Variants in SYN2 observed in about 807,000 individuals in gnomAD.
SYN2 encodes the protein synapsin-2.
In SYN2, 19 loss-of-function variants were observed where a neutral mutation model predicts 50.9. That is an observed-to-expected ratio of 0.37 (90% CI 0.26 to 0.55). The LOEUF is 0.55. SYN2 is among the 20% of genes least tolerant of loss of function. The probability of loss-of-function intolerance (pLI) is 0.81; values close to 1 mark genes in which losing one functional copy is unlikely to be tolerated. For synonymous variants in SYN2, 255 were observed against 224.9 expected (o/e 1.13, Z -1.20); for missense variants, 587 against 576.4 (o/e 1.02, Z -0.19).
chr3:12,072,516 G>C (rs1695379457), intron 1 of SYN2, among the ~76,000 whole-genome samples: 1 of 152,008 alleles, frequency 6.6e-6, no homozygotes, highest in Admixed American at 6.6e-5. Flanking sequence ...ATGAAATAGT[G>C]GTCTAAATTC....
In SYN2 at chr3:12,164,691, A is replaced by G. The variant is rs1697736314; in HGVS notation, c.980+2537A>G. ...TTTTGGGTCTAGAGAATGGCCTCTC[A>G]GTGTCCCCTTTGCTCCCACATGCCC... On this transcript the variant is annotated intron_variant, in intron 7 of 12. Coordinates refer to ENST00000621198, the MANE Select transcript of SYN2 (RefSeq NM_133625.6). Among the ~76,000 whole-genome samples, 3 of 152,272 alleles carry G rather than the reference A, an allele frequency of 2.0e-5. No individual in the cohort carries two copies. In the South Asian group the frequency reaches 6.2e-4, roughly 32 times the overall value.
chr3:12,095,206 G>T (rs1695903810), intron 1 of SYN2, among the ~76,000 whole-genome samples: 1 of 151,676 alleles, frequency 6.6e-6, no homozygotes, highest in Non-Finnish European at 1.5e-5. Flanking sequence ...CTACAGTCTG[G>T]CTTCCGTACC....
At chr3:12,123,589 T>G (rs957809138) in intron 1 of SYN2, among the ~76,000 whole-genome samples, 1 of 152,090 alleles carries the variant, frequency 6.6e-6, no homozygotes, top group African/African-American at 2.4e-5. Flanking sequence ...GGCAATGTAG[T>G]GAGACCCTGT....
Position 12,135,292 on chromosome 3 carries a change from G to A in SYN2, c.378-5359G>A, listed in dbSNP as rs995044015. Among the ~76,000 whole-genome samples, 12 of 152,324 alleles carry A rather than the reference G, an allele frequency of 7.9e-5. No individual in the cohort carries two copies. The South Asian group carries it at 2.5e-3, about 32-fold the overall frequency. On this transcript the variant is annotated intron_variant, in intron 1 of 12. Transcript: ENST00000621198. Reference sequence around the variant, plus strand: ...CATGATTTTTACCCTAACAGTGTAGGTGGGGAAATAGGAATCTCCTACTAT... The same window carrying A: ...CATGATTTTTACCCTAACAGTGTAGATGGGGAAATAGGAATCTCCTACTAT...
intron 1 of SYN2, among the ~76,000 whole-genome samples, chr3:12,023,450 T>C (rs1694188959): frequency 6.6e-6 from 1 of 152,140 alleles, no homozygotes; most frequent in South Asian, 2.1e-4. Context: ...CTTTTCATCA[T>C]GTTAAATGAA....
chr3:12,124,100 T>C (rs1696616613), intron 1 of SYN2, among the ~76,000 whole-genome samples: 1 of 152,050 alleles, frequency 6.6e-6, no homozygotes, highest in African/African-American at 2.4e-5. Context: ...AAACAGGAAA[T>C]TGAATCCAAA....
chr3:12,124,612 A>G (rs371571126), intron 1 of SYN2, among the ~76,000 whole-genome samples: 34 of 152,352 alleles, frequency 2.2e-4, no homozygotes, highest in African/African-American at 6.7e-4. Flanking sequence ...ATAAAAATAA[A>G]TAGGCCAGGG....
At chr3:12,044,179 TCTCA>T (rs1424966336) in intron 1 of SYN2, among the ~76,000 whole-genome samples, 29 of 60,970 alleles carry the variant, frequency 4.8e-4, no homozygotes, top group Non-Finnish European at 8.4e-4. Context: ...TCTCTCTCTC[TCTCA>T]CACACACACA....
intron 1 of SYN2, among the ~76,000 whole-genome samples, chr3:12,020,381 C>G (rs965090726): frequency 6.9e-6 from 1 of 145,566 alleles, no homozygotes; most frequent in South Asian, 2.3e-4. Flanking sequence ...TTCTTCTGTC[C>G]CCCCAGTTGA....
intron 1 of SYN2, among the ~76,000 whole-genome samples, chr3:12,010,973 A>G (rs1693900739): frequency 6.6e-6 from 1 of 152,214 alleles, no homozygotes; most frequent in Non-Finnish European, 1.5e-5. Context: ...GGGAATCTAA[A>G]ACAAAAGATG....
chr3:12,148,842 G>C (rs1362084074), intron 4 of SYN2, among the ~76,000 whole-genome samples: 1 of 152,168 alleles, frequency 6.6e-6, no homozygotes, highest in East Asian at 1.9e-4. Context: ...TTGGATGAGT[G>C]GCTATAATGG....
At chr3:12,072,104 C>G (rs1460034913) in intron 1 of SYN2, among the ~76,000 whole-genome samples, 1 of 151,982 alleles carries the variant, frequency 6.6e-6, no homozygotes, top group Non-Finnish European at 1.5e-5. Flanking sequence ...AAACAAAAAC[C>G]TTTTTATGTG....
At chr3:12,140,927 G>A (rs1697004569) in intron 2 of SYN2, among the ~76,000 whole-genome samples, 1 of 152,058 alleles carries the variant, frequency 6.6e-6, no homozygotes, top group Non-Finnish European at 1.5e-5. Context: ...CCTTTTTATG[G>A]CTCTAGTGTC....
intron 1 of SYN2, among the ~76,000 whole-genome samples, chr3:12,108,131 G>C (rs1005504730): frequency 1.3e-5 from 2 of 152,144 alleles, no homozygotes; most frequent in Admixed American, 1.3e-4. Flanking sequence ...AATTGCCTGA[G>C]CCCAAGAGGT....
At chr3:12,158,814 T>C in intron 5 of SYN2, 1 of 1,598,256 alleles carries the variant, frequency 6.3e-7, no homozygotes, top group South Asian at 1.1e-5. Context: ...GCACCCAGCT[T>C]GGCGCGGGCC....
At chr3:12,046,415 G>A (rs1213052246) in intron 1 of SYN2, among the ~76,000 whole-genome samples, 1 of 152,172 alleles carries the variant, frequency 6.6e-6, no homozygotes, top group African/African-American at 2.4e-5. Flanking sequence ...ATGTAGAGAG[G>A]GGGAGAATGT....
At chr3:12,179,816 G>A (rs1326029572) in intron 10 of SYN2, among the ~76,000 whole-genome samples, 1 of 152,128 alleles carries the variant, frequency 6.6e-6, no homozygotes, top group African/African-American at 2.4e-5. Flanking sequence ...AAGAACAGTG[G>A]TCCTATCACT....
intron 1 of SYN2, among the ~76,000 whole-genome samples, chr3:12,020,424 G>C (rs1341093046): frequency 6.6e-6 from 1 of 150,594 alleles, no homozygotes; most frequent in East Asian, 2.0e-4. Context: ...GGTTCCTGGA[G>C]TAGAAGGGCA....
At chr3:12,068,406 T>C (rs576901175) in intron 1 of SYN2, among the ~76,000 whole-genome samples, 1 of 152,274 alleles carries the variant, frequency 6.6e-6, no homozygotes, top group East Asian at 1.9e-4. Flanking sequence ...CCCTCTTCCC[T>C]GAAAGCATTT....
Sources: allele counts gnomAD v4.1 joint callset (sites outside exome capture counted in the v4.1 genomes callset), GRCh38; gene constraint gnomAD v4.1.1; transcripts MANE v1.5; gene names NCBI Gene and HGNC (gene_info 2026-07-23, HGNC 2026-07-21).